PTER: variants seen among roughly 807,000 people sequenced by gnomAD.
PTER encodes N-acetyltaurine hydrolase.
Under a neutral mutation model 29.6 loss-of-function variants are expected in PTER, and 38 were observed. The observed-to-expected ratio is 1.28, with a 90% CI of 0.99 to 1.68. PTER has a LOEUF of 1.68. Among genes scored for constraint, PTER ranks in the 40% most tolerant of loss-of-function variants. The pLI is 0.00. For missense variants in PTER, 482 were observed against 427.8 expected (o/e 1.13, Z -1.12); for synonymous variants, 172 against 154.5 (o/e 1.11, Z -0.84).
intron 1 of PTER, among the ~76,000 whole-genome samples, chr10:16,464,062 TA>T (rs575962266): frequency 1.3e-5 from 2 of 152,326 alleles, no homozygotes; most frequent in South Asian, 4.1e-4. Context: ...GAGATTTAAT[TA>T]AAGTGTGTAG....
downstream of PTER, chr10:16,514,372 A>G (rs190577120): frequency 3.1e-4 from 193 of 621,126 alleles, no homozygotes; most frequent in East Asian, 5.0e-3. Context: ...AATGTTTCTG[A>G]GTGATACAGA....
chr10:16,503,200 C>T lies in PTER; in HGVS notation c.699-1820C>T, dbSNP rs141089960. Among the ~76,000 whole-genome samples the T allele has an allele frequency of 4.8e-3, 724 of 149,526 alleles. 6 individuals are homozygous for T. Among genetic ancestry groups the T allele is most frequent in the African/African-American group, 0.016 (659 of 40,640 alleles). On this transcript the variant is annotated intron_variant, in intron 3 of 4. Coordinates refer to ENST00000535784, the MANE Select transcript of PTER (RefSeq NM_001261836.2). ...CCTCTCAAAGTGCTAGGATTACAGA[C>T]GTGAGCCACCACACCCAGCCACATA...
At chr10:16,480,120 G>A (rs1835422761) in intron 1 of PTER, among the ~76,000 whole-genome samples, 1 of 149,854 alleles carries the variant, frequency 6.7e-6, no homozygotes, top group African/African-American at 2.5e-5. Flanking sequence ...GACCTTTCAT[G>A]GTTGGGGGAG....
chr10:16,477,258 CGATAGATAGATAGATAGATAGATA>C (rs56294482), intron 1 of PTER, among the ~76,000 whole-genome samples: 2 of 147,906 alleles, frequency 1.4e-5, no homozygotes, highest in Non-Finnish European at 3.0e-5. Flanking sequence ...TTCTGTCTTT[CGATAGATAGATAGATAGATAGATA>C]GATAGATAGA....
At chr10:16,438,236 C>T (rs1833722330) in intron 1 of PTER, among the ~76,000 whole-genome samples, 1 of 151,974 alleles carries the variant, frequency 6.6e-6, no homozygotes, top group East Asian at 1.9e-4. Context: ...GAACTCCTGA[C>T]CTTGTGATTC....
chr10:16,481,906 G>A (rs950646049), intron 1 of PTER, among the ~76,000 whole-genome samples: 9 of 152,070 alleles, frequency 5.9e-5, no homozygotes, highest in Non-Finnish European at 1.2e-4. Context: ...TTTCATCAAC[G>A]GAAGGCATGA....
intron 1 of PTER, among the ~76,000 whole-genome samples, chr10:16,446,221 T>G (rs1420552911): frequency 1.3e-5 from 1 of 74,682 alleles, no homozygotes; most frequent in Non-Finnish European, 2.6e-5. Context: ...ACCCCCAACA[T>G]TTTTTTTTTT....
At chr10:16,494,539 C>T (rs1053930908) in intron 3 of PTER, among the ~76,000 whole-genome samples, 1 of 152,180 alleles carries the variant, frequency 6.6e-6, no homozygotes. Flanking sequence ...CAATGAAAGT[C>T]ATGCCTCCGT....
downstream of PTER, among the ~76,000 whole-genome samples, chr10:16,517,398 A>G (rs1836967675): frequency 6.6e-6 from 1 of 152,242 alleles, no homozygotes; most frequent in Admixed American, 6.5e-5. Flanking sequence ...AATTTTTAAG[A>G]GTACCAACTG....
intron 4 of PTER, among the ~76,000 whole-genome samples, chr10:16,507,903 TA>T (rs1836639590): frequency 6.6e-6 from 1 of 152,166 alleles, no homozygotes; most frequent in African/African-American, 2.4e-5. Flanking sequence ...CCTAAAGCCC[TA>T]GTAGTTAGTT....
downstream of PTER, chr10:16,514,031 A>G: frequency 3.2e-6 from 1 of 316,562 alleles, no homozygotes; most frequent in Non-Finnish European, 5.7e-6. Flanking sequence ...TACAAGGCAA[A>G]CAATTTCTTT....
At chr10:16,499,607 T>C (rs1836252967) in intron 3 of PTER, among the ~76,000 whole-genome samples, 1 of 151,822 alleles carries the variant, frequency 6.6e-6, no homozygotes. Flanking sequence ...CTCACCTGGC[T>C]GATTTTTTGT....
intron 1 of PTER, among the ~76,000 whole-genome samples, chr10:16,450,447 A>C (rs897108793): frequency 6.6e-6 from 1 of 152,184 alleles, no homozygotes; most frequent in Non-Finnish European, 1.5e-5. Context: ...AAGGCTCATA[A>C]GAGTTTATAA....
intron 3 of PTER, among the ~76,000 whole-genome samples, chr10:16,492,171 C>G (rs1835923404): frequency 6.6e-6 from 1 of 152,142 alleles, no homozygotes; most frequent in Non-Finnish European, 1.5e-5. Flanking sequence ...TAGGCCGTCC[C>G]CTAACCATCT....
At chr10:16,477,096 G>A (rs886585307) in intron 1 of PTER, among the ~76,000 whole-genome samples, 7 of 151,944 alleles carry the variant, frequency 4.6e-5, no homozygotes, top group Non-Finnish European at 1.0e-4. Context: ...AGTAGAGATG[G>A]GCTGGCCATA....
chr10:16,439,105 T>C (rs916471216), intron 1 of PTER, among the ~76,000 whole-genome samples: 1 of 152,164 alleles, frequency 6.6e-6, no homozygotes, highest in African/African-American at 2.4e-5. Context: ...TGGGTCATAT[T>C]TGCTGCTGAA....
downstream of PTER, chr10:16,514,185 A>G: frequency 2.5e-6 from 1 of 400,150 alleles, no homozygotes; most frequent in East Asian, 3.5e-5. Flanking sequence ...AAGCAGCAAG[A>G]TCACAGTACA....
At chr10:16,468,989 C>CA (rs1834947209) in intron 1 of PTER, among the ~76,000 whole-genome samples, 2 of 151,552 alleles carry the variant, frequency 1.3e-5, no homozygotes, top group Admixed American at 1.3e-4. Flanking sequence ...AAAAAAAAGC[C>CA]AAAAAACAAA....
intron 2 of PTER, 61 bp from the exon 3 acceptor site, chr10:16,486,291 G>T: frequency 7.0e-7 from 1 of 1,422,928 alleles, no homozygotes; most frequent in Non-Finnish European, 9.6e-7. Context: ...ACATACTGTG[G>T]TGGATCTATT....
Sources: gnomAD v4.1 joint callset for allele counts (sites outside exome capture counted in the v4.1 genomes callset) on GRCh38, gnomAD v4.1.1 for gene constraint, MANE v1.5 for transcripts, NCBI Gene and HGNC (gene_info 2026-07-23, HGNC 2026-07-21) for gene names.